OCA2: variants seen among roughly 807,000 people sequenced by gnomAD.
OCA2 encodes OCA2 melanosomal transmembrane protein, also known as P protein.
In OCA2, 77 loss-of-function variants were observed where a neutral mutation model predicts 100.2. The observed-to-expected ratio is 0.77, with a 90% CI of 0.64 to 0.93. OCA2 has a LOEUF of 0.93. Among genes scored for constraint, OCA2 ranks in the 40% least tolerant of loss-of-function variants. The probability of loss-of-function intolerance (pLI) is 0.00; values close to 1 mark genes in which losing one functional copy is unlikely to be tolerated. For synonymous variants in OCA2, 432 were observed against 439.2 expected (o/e 0.98, Z 0.21); for missense variants, 1,062 against 1,089.1 (o/e 0.98, Z 0.35).
intron 2 of OCA2, among the ~76,000 whole-genome samples, chr15:28,042,266 G>A (rs895325030): frequency 6.6e-6 from 1 of 152,112 alleles, no homozygotes; most frequent in African/African-American, 2.4e-5. Flanking sequence ...TGAAATACAA[G>A]ATGAAAACTA....
intron 19 of OCA2, among the ~76,000 whole-genome samples, chr15:27,878,868 A>G (rs971474718): frequency 1.3e-5 from 2 of 152,102 alleles, no homozygotes; most frequent in African/African-American, 4.8e-5. Flanking sequence ...ATTTTATTTT[A>G]AGTCCCGGGA....
intron 19 of OCA2, among the ~76,000 whole-genome samples, chr15:27,882,966 G>C (rs80022263): frequency 0.011 from 1,734 of 152,330 alleles, 27 homozygotes; most frequent in African/African-American, 0.036. Context: ...CCAGTCATCA[G>C]TCAGTCCTCT....
chr15:28,044,388 G>A (rs1308642570), intron 2 of OCA2, among the ~76,000 whole-genome samples: 1 of 152,106 alleles, frequency 6.6e-6, no homozygotes, highest in African/African-American at 2.4e-5. Flanking sequence ...AAAACCACTG[G>A]CCTTCCTGGA....
At chr15:27,844,831 C>T in intron 23 of OCA2, 128 bp downstream of exon 23, 2 of 749,054 alleles carry the variant, frequency 2.7e-6, no homozygotes, top group Non-Finnish European at 4.7e-6. Context: ...AGCTAATCTC[C>T]CCTACACCAC....
the OCA2 span, among the ~76,000 whole-genome samples, chr15:27,734,624 C>A: frequency 2.0e-5 from 3 of 152,224 alleles, no homozygotes; most frequent in African/African-American, 7.2e-5. Context: ...GAGGCAGGCT[C>A]GACCTCCAGC....
chr15:27,812,987 C>A (rs539378502), intron 23 of OCA2, among the ~76,000 whole-genome samples: 1 of 152,264 alleles, frequency 6.6e-6, no homozygotes, highest in African/African-American at 2.4e-5. Flanking sequence ...TCCCTTCTGC[C>A]CCCTCCCCAG....
At chr15:27,863,226 G>T (rs1244852613) in intron 21 of OCA2, among the ~76,000 whole-genome samples, 1 of 152,196 alleles carries the variant, frequency 6.6e-6, no homozygotes, top group Non-Finnish European at 1.5e-5. Context: ...GGATGCTGCA[G>T]TCGGCTCCTG....
intron 19 of OCA2, among the ~76,000 whole-genome samples, chr15:27,873,693 G>A (rs1567047154): frequency 1.3e-5 from 2 of 152,044 alleles, no homozygotes; most frequent in African/African-American, 4.8e-5. Flanking sequence ...TCTGCGTTAT[G>A]TAATGTAAGA....
In OCA2 at chr15:28,072,617, C is replaced by A. The variant is rs986852721; in HGVS notation, c.227+9031G>T. 2.9e-4 allele frequency among the ~76,000 whole-genome samples: 42 copies of A among 144,746 alleles called. 1 individual carries two copies. The highest frequency in any genetic ancestry group is 1.5e-3 in the East Asian group (7 of 4,778). The allele number at this position is 144,746 out of a possible 152,430, so 95.0% of individuals were successfully genotyped here. A position where few individuals can be genotyped will look rare whatever the true frequency, so the allele number is the denominator to read the frequency against. On this transcript the variant is annotated intron_variant, in intron 2 of 23. Transcript: ENST00000354638. ...AAAAAAAAAAAAAAAAAACAAGTAA[C>A]CCCATTAAAAAATGGCAAAGGACGT...
chr15:28,026,845 C>G (rs190841401), intron 4 of OCA2, among the ~76,000 whole-genome samples: 9 of 152,320 alleles, frequency 5.9e-5, no homozygotes, highest in African/African-American at 2.2e-4. Context: ...GACACGGTGA[C>G]GCTAATATTT....
chr15:27,840,850 A>T (rs187954563), intron 23 of OCA2, among the ~76,000 whole-genome samples: 1 of 152,356 alleles, frequency 6.6e-6, no homozygotes, highest in East Asian at 1.9e-4. Context: ...ATAATCTTTG[A>T]AAAACATCTA....
At chr15:27,863,723 G>A (rs1295554924) in intron 21 of OCA2, among the ~76,000 whole-genome samples, 2 of 152,080 alleles carry the variant, frequency 1.3e-5, no homozygotes, top group Admixed American at 1.3e-4. Context: ...CTTTGCTTTT[G>A]TTCTGTACCT....
intron 19 of OCA2, among the ~76,000 whole-genome samples, chr15:27,913,904 C>A (rs371141894): frequency 0.35 from 17,335 of 50,130 alleles, 3,716 homozygotes; most frequent in Middle Eastern, 0.5. Context: ...AGCAAGCAAG[C>A]AAGCAAGCAA....
chr15:28,062,252 T>C (rs562334440), intron 2 of OCA2, among the ~76,000 whole-genome samples: 24 of 152,378 alleles, frequency 1.6e-4, no homozygotes, highest in African/African-American at 2.4e-4. Context: ...TTTTTTATGA[T>C]AGCCATCCTA....
At chr15:27,810,576 TCAAA>T (rs2034036248) in intron 23 of OCA2, among the ~76,000 whole-genome samples, 1 of 149,972 alleles carries the variant, frequency 6.7e-6, no homozygotes, top group Admixed American at 6.8e-5. Context: ...ATAAAAATCA[TCAAA>T]CAGACAACCC....
intron 19 of OCA2, among the ~76,000 whole-genome samples, chr15:27,924,690 CAAA>C (rs1284949646): frequency 5.3e-5 from 8 of 151,788 alleles, no homozygotes; most frequent in African/African-American, 1.7e-4. Context: ...AAAATAGAAA[CAAA>C]GAAGAGAATT....
Position 28,004,523 on chromosome 15 carries a change from C to T in OCA2, c.1044+10253G>A, listed in dbSNP as rs556706230. The stretch of plus-strand genomic sequence containing the variant: ...CAGTCACACGCCCTCACCTCACATA[C>T]ACGGTCTCACACTCACCCTCCCTCA... On this transcript the variant is annotated intron_variant, in intron 9 of 23. Transcript: ENST00000354638. 3.8e-4 allele frequency among the ~76,000 whole-genome samples: 58 copies of T among 151,962 alleles called. 1 individual carries two copies. The South Asian group carries it at 0.012, about 31-fold the overall frequency.
At chr15:27,871,303 T>A in intron 20 of OCA2, 45 bp from the exon 21 acceptor site, 1 of 1,476,956 alleles carries the variant, frequency 6.8e-7, no homozygotes, top group Non-Finnish European at 9.5e-7. Context: ...TCGCATGCAC[T>A]TAGGGTCAGA....
In OCA2 at chr15:27,903,761, G is replaced by T. The variant is rs1370564374; in HGVS notation, c.2079+22366C>A. Among the ~76,000 whole-genome samples the T allele has an allele frequency of 3.3e-5, 5 of 152,180 alleles. No homozygotes were observed. The East Asian group carries it at 9.6e-4, about 29-fold the overall frequency. On this transcript the variant is annotated intron_variant, in intron 19 of 23. Transcript: ENST00000354638. ...GACAAACTGCACTCGCATTACCCTG[G>T]CTCACTCTTGTGCTCAGGAATTAAT...
Sources: allele counts gnomAD v4.1 joint callset (sites outside exome capture counted in the v4.1 genomes callset), GRCh38; gene constraint gnomAD v4.1.1; transcripts MANE v1.5; gene names NCBI Gene and HGNC (gene_info 2026-07-23, HGNC 2026-07-21).